Variants in FGFR1OP2 observed in about 807,000 individuals in gnomAD.
The protein encoded by FGFR1OP2 is FGFR1 oncogene partner 2.
A neutral mutation model predicts 35.2 loss-of-function variants in FGFR1OP2; 17 were observed. That is an observed-to-expected ratio of 0.48 (90% CI 0.33 to 0.73). The LOEUF (loss-of-function observed/expected upper bound fraction) is 0.73, where lower values mean the gene tolerates loss of function less well. FGFR1OP2 is among the 30% of genes least tolerant of loss of function. FGFR1OP2 has a pLI of 0.02. For synonymous variants in FGFR1OP2, 105 were observed against 104.6 expected (o/e 1.00, Z -0.03); for missense variants, 251 against 307.3 (o/e 0.82, Z 1.37).
intron 4 of FGFR1OP2, among the ~76,000 whole-genome samples, chr12:26,959,731 T>C (rs2136359503): frequency 6.6e-6 from 1 of 152,316 alleles, no homozygotes; most frequent in Non-Finnish European, 1.5e-5. Context: ...ATTCAGTTAT[T>C]TGTTATTAAT....
rs1347209866 is a variant in FGFR1OP2 at position 26,965,325 on chromosome 12, C to T, written c.*592C>T. The T allele has an allele frequency of 6.6e-6, 1 of 152,468 alleles. No individual in the cohort carries two copies. The highest frequency in any genetic ancestry group is 1.5e-5 in the Non-Finnish European group (1 of 67,936). 9.4% of individuals were successfully genotyped at this position (152,468 alleles called of 1,614,324 possible). On this transcript the variant is annotated 3_prime_UTR_variant, in exon 7 of 7. Coordinates refer to ENST00000229395, the MANE Select transcript of FGFR1OP2 (RefSeq NM_015633.3). The stretch of plus-strand genomic sequence containing the variant: ...GCAATTTATCATAACTGATACTTAG[C>T]TAACAATTGTCCATAACTTGTTTAA...
chr12:26,966,541 ATTTTTTT>A lies in FGFR1OP2; in HGVS notation c.*1818_*1824del, dbSNP rs370100358. ...TTATTTAGTGACACATTTCCATCCTATTTTTTTTTTTTTTTTGGTTGTTGTTAAACAG... is the reference window on the plus strand; with the variant it reads ...TTATTTAGTGACACATTTCCATCCTATTTTTTTTTGGTTGTTGTTAAACAG... On this transcript the variant is annotated 3_prime_UTR_variant, in exon 7 of 7. Transcript: ENST00000229395. 1 of 134,870 alleles carries A rather than the reference ATTTTTTT, an allele frequency of 7.4e-6. No individual in the cohort carries two copies. Among genetic ancestry groups the A allele is most frequent in the African/African-American group, 2.8e-5 (1 of 35,808 alleles). 8.4% of individuals were successfully genotyped at this position (134,870 alleles called of 1,614,324 possible).
intron 1 of FGFR1OP2, among the ~76,000 whole-genome samples, chr12:26,943,327 A>G (rs1938766886): frequency 6.6e-6 from 1 of 152,272 alleles, no homozygotes; most frequent in African/African-American, 2.4e-5. Flanking sequence ...AAGTAGCTTT[A>G]TAGTAAGTCT....
intron 1 of FGFR1OP2, among the ~76,000 whole-genome samples, chr12:26,949,452 T>G (rs977460327): frequency 6.6e-5 from 10 of 151,938 alleles, no homozygotes; most frequent in Non-Finnish European, 2.9e-5. Flanking sequence ...CCAGATTAAT[T>G]TATTTACAAA....
chr12:26,948,907 G>T (rs1420320658), intron 1 of FGFR1OP2, among the ~76,000 whole-genome samples: 1 of 152,092 alleles, frequency 6.6e-6, no homozygotes, highest in Admixed American at 6.6e-5. Flanking sequence ...TGGCATGGTG[G>T]CATGCACCTA....
intron 1 of FGFR1OP2, among the ~76,000 whole-genome samples, chr12:26,939,551 C>G (rs915513806): frequency 2.6e-5 from 4 of 152,142 alleles, no homozygotes; most frequent in African/African-American, 9.7e-5. Context: ...TTTGTACGTG[C>G]GGATGTCTAG....
At chr12:26,949,197 G>A (rs1318702268) in intron 1 of FGFR1OP2, among the ~76,000 whole-genome samples, 5 of 152,112 alleles carry the variant, frequency 3.3e-5, no homozygotes, top group East Asian at 3.9e-4. Flanking sequence ...GTGCAATGGC[G>A]CGATCTCAGC....
At chr12:26,961,437 A>G (rs759368349) in intron 5 of FGFR1OP2, 1 of 151,936 alleles carries the variant, frequency 6.6e-6, no homozygotes, top group Non-Finnish European at 1.5e-5. Context: ...TTTTCCTTCT[A>G]TTTTAAAGGC....
At chr12:26,954,815 A>G (rs1198200677) in intron 2 of FGFR1OP2, among the ~76,000 whole-genome samples, 1 of 152,122 alleles carries the variant, frequency 6.6e-6, no homozygotes, top group Non-Finnish European at 1.5e-5. Flanking sequence ...TCTTCTTGCT[A>G]TTTTTACTAT....
chr12:26,942,102 G>A (rs1015890517), intron 1 of FGFR1OP2, among the ~76,000 whole-genome samples: 6 of 152,168 alleles, frequency 3.9e-5, no homozygotes, highest in Admixed American at 6.5e-5. Context: ...GTGCGATCTC[G>A]GCTCACTGCA....
At chr12:26,949,341 AG>A (rs745494943) in intron 1 of FGFR1OP2, among the ~76,000 whole-genome samples, 1 of 152,026 alleles carries the variant, frequency 6.6e-6, no homozygotes, top group Non-Finnish European at 1.5e-5. Context: ...TCATCATGTT[AG>A]GCTGGTCGCG....
intron 1 of FGFR1OP2, among the ~76,000 whole-genome samples, chr12:26,951,368 G>A (rs1308442243): frequency 6.6e-6 from 1 of 152,094 alleles, no homozygotes; most frequent in African/African-American, 2.4e-5. Flanking sequence ...TGCCCAGGCT[G>A]TAGTGCAGTG....
intron 1 of FGFR1OP2, among the ~76,000 whole-genome samples, chr12:26,951,684 G>A (rs2136353619): frequency 6.6e-6 from 1 of 152,260 alleles, no homozygotes; most frequent in Non-Finnish European, 1.5e-5. Flanking sequence ...CCAGGACACA[G>A]GGTACTATTT....
At chr12:26,949,245 C>G (rs1565848077) in intron 1 of FGFR1OP2, among the ~76,000 whole-genome samples, 1 of 151,984 alleles carries the variant, frequency 6.6e-6, no homozygotes, top group Non-Finnish European at 1.5e-5. Flanking sequence ...AAGCGATTCT[C>G]CTGTCTTGGC....
intron 1 of FGFR1OP2, among the ~76,000 whole-genome samples, chr12:26,946,756 A>G (rs1168070066): frequency 1.3e-5 from 2 of 152,250 alleles, no homozygotes; most frequent in African/African-American, 2.4e-5. Context: ...GTAACCATCA[A>G]CAAAATTGAT....
At position 26,964,493 on chromosome 12, in the gene FGFR1OP2, G is replaced by A. The variant is rs80189711; in HGVS notation, c.625-103G>A. On this transcript the variant is annotated intron_variant, in intron 6 of 6. Transcript: ENST00000229395. The stretch of plus-strand genomic sequence containing the variant: ...TTAATGCCAATTACAGACCTTGCTT[G>A]TTTGTTATACCTTCATATGTTCAGT... 3.1e-4 allele frequency: 413 copies of A among 1,311,414 alleles called. 3 individuals are homozygous for A. In the African/African-American group the frequency reaches 5.5e-3, roughly 17 times the overall value. 81.2% of individuals were successfully genotyped at this position (1,311,414 alleles called of 1,614,324 possible).
intron 1 of FGFR1OP2, among the ~76,000 whole-genome samples, chr12:26,943,479 C>T (rs1305588095): frequency 4.0e-5 from 6 of 151,462 alleles, no homozygotes; most frequent in Admixed American, 3.3e-4. Context: ...CTAAAAAAAT[C>T]TTGCTGGGAC....
chr12:26,942,101 C>T (rs1284050125), intron 1 of FGFR1OP2, among the ~76,000 whole-genome samples: 2 of 152,284 alleles, frequency 1.3e-5, no homozygotes, highest in African/African-American at 4.8e-5. Flanking sequence ...GGTGCGATCT[C>T]GGCTCACTGC....
Position 26,963,399 on chromosome 12 carries a change from A to G in FGFR1OP2, c.568A>G (p.Ile190Val), listed in dbSNP as rs1453979078. The G allele has an allele frequency of 1.2e-6, 2 of 1,609,370 alleles. No individual in the cohort carries two copies. Among genetic ancestry groups the G allele is most frequent in the East Asian group, 2.2e-5 (1 of 44,708 alleles). Residue 190 changes from isoleucine to valine, a missense_variant, in exon 6 of 7, where the codon ATT becomes GTT. Physicochemically the swap from Ile to Val is conservative, Grantham distance 29. Transcript: ENST00000229395. ...AATGGCAGCAGTAATGAGGAAAGCC[A>G]TTGAAATTGACGAGCAACAGGGTTG... ...TEMAAVMRKA[I>V]EIDEQQGCKE... is the part of the protein sequence containing the mutation.
Sources: allele counts gnomAD v4.1 joint callset (sites outside exome capture counted in the v4.1 genomes callset), GRCh38; gene constraint gnomAD v4.1.1; transcripts MANE v1.5; gene names NCBI Gene and HGNC (gene_info 2026-07-23, HGNC 2026-07-21).